Variants in DNAJC1 observed in about 807,000 individuals in gnomAD.
DNAJC1 encodes DnaJ heat shock protein family (Hsp40) member C1.
A neutral mutation model predicts 76.6 loss-of-function variants in DNAJC1; 58 were observed. The ratio of observed to expected loss-of-function variants is 0.76; its 90% CI spans 0.61 to 0.94. The LOEUF (loss-of-function observed/expected upper bound fraction) is 0.94. DNAJC1 is among the 40% of genes least tolerant of loss of function. The pLI is 0.00. For synonymous variants in DNAJC1, 258 were observed against 267.9 expected (o/e 0.96, Z 0.36); for missense variants, 689 against 677.3 (o/e 1.02, Z -0.19).
chr10:21,901,772 T>C (rs747705221), intron 7 of DNAJC1, among the ~76,000 whole-genome samples: 4 of 152,160 alleles, frequency 2.6e-5, no homozygotes, highest in Non-Finnish European at 5.9e-5. Flanking sequence ...AAAACAGCTA[T>C]TGCTAATCTA....
chr10:21,873,056 C>T (rs947632994), intron 8 of DNAJC1, among the ~76,000 whole-genome samples: 1 of 152,150 alleles, frequency 6.6e-6, no homozygotes, highest in African/African-American at 2.4e-5. Flanking sequence ...AATCTCTGTC[C>T]TGTTCTGTTC....
intron 1 of DNAJC1, among the ~76,000 whole-genome samples, chr10:21,959,721 G>A (rs1262791079): frequency 6.6e-6 from 1 of 151,122 alleles, no homozygotes; most frequent in African/African-American, 2.4e-5. Context: ...GGGAGGCAGA[G>A]GTTGCAGTGA....
chr10:21,905,456 G>A (rs1836728487), intron 6 of DNAJC1, among the ~76,000 whole-genome samples: 1 of 152,066 alleles, frequency 6.6e-6, no homozygotes. Context: ...CCATGTCTGT[G>A]CAATTGCTTT....
chr10:21,854,350 TAA>T (rs56109403), intron 8 of DNAJC1, among the ~76,000 whole-genome samples: 6,512 of 131,232 alleles, frequency 0.05, 194 homozygotes, highest in African/African-American at 0.09. Flanking sequence ...TGTGGATCTT[TAA>T]AAAAAAAAAA....
At chr10:21,973,874 G>A (rs1333351359) in intron 1 of DNAJC1, among the ~76,000 whole-genome samples, 1 of 151,978 alleles carries the variant, frequency 6.6e-6, no homozygotes, top group African/African-American at 2.4e-5. Context: ...AGGCCGAGGA[G>A]GGTGGATCGC....
chr10:21,911,497 G>C (rs754006883), intron 6 of DNAJC1, among the ~76,000 whole-genome samples: 1 of 152,000 alleles, frequency 6.6e-6, no homozygotes, highest in Non-Finnish European at 1.5e-5. Flanking sequence ...ACTATAATAA[G>C]ACTAAATCCA....
At chr10:21,848,751 A>G (rs1433222383) in intron 8 of DNAJC1, among the ~76,000 whole-genome samples, 1 of 152,236 alleles carries the variant, frequency 6.6e-6, no homozygotes, top group Admixed American at 6.5e-5. Flanking sequence ...ACAAGTGTCA[A>G]TAAATTTTAA....
chr10:21,973,131 G>A (rs1015361812), intron 1 of DNAJC1, among the ~76,000 whole-genome samples: 2 of 152,104 alleles, frequency 1.3e-5, no homozygotes, highest in Non-Finnish European at 2.9e-5. Flanking sequence ...GCTGTTATGG[G>A]ATGTGTATTC....
At position 21,882,409 on chromosome 10, in the gene DNAJC1, T is replaced by C. The variant is rs904536126; in HGVS notation, c.851A>G (p.Glu284Gly). 6 of 1,520,660 alleles carry C rather than the reference T, an allele frequency of 3.9e-6. No individual in the cohort carries two copies. The Admixed American group carries it at 1.2e-4, about 31-fold the overall frequency. 94.2% of individuals were successfully genotyped at this position (1,520,660 alleles called of 1,614,324 possible). A position where few individuals can be genotyped will look rare whatever the true frequency, so the allele number is the denominator to read the frequency against. Residue 284 changes from glutamate to glycine, a missense_variant, in exon 8 of 12, where the codon GAA becomes GGA. Physicochemically the swap from Glu to Gly is moderately conservative, Grantham distance 98. Coordinates refer to ENST00000376980, the MANE Select transcript of DNAJC1 (RefSeq NM_022365.4). ...KQKKVKKPKP[E>G]FPVYTPLETT... ...TTCTAAAGGTGTGTATACAGGAAAT[T>C]CAGGTTTTGGTTTTTTAACTTTCTT...
intron 10 of DNAJC1, among the ~76,000 whole-genome samples, chr10:21,760,547 C>T (rs1834228833): frequency 1.3e-5 from 2 of 152,196 alleles, no homozygotes; most frequent in Non-Finnish European, 2.9e-5. Context: ...GAAATAGGTA[C>T]ATTTGGACAC....
chr10:21,832,356 C>A (rs1354246221), intron 8 of DNAJC1, among the ~76,000 whole-genome samples: 1 of 152,132 alleles, frequency 6.6e-6, no homozygotes, highest in African/African-American at 2.4e-5. Flanking sequence ...GTCAAGGTCC[C>A]CAGTAGTTAC....
chr10:21,829,516 A>AT (rs376652476), intron 8 of DNAJC1, among the ~76,000 whole-genome samples: 2,011 of 151,776 alleles, frequency 0.013, 47 homozygotes, highest in African/African-American at 0.045. Context: ...GCGCCCAGCA[A>AT]TTTTTTTGTA....
intron 9 of DNAJC1, among the ~76,000 whole-genome samples, chr10:21,777,561 C>T (rs984321227): frequency 1.3e-5 from 2 of 152,170 alleles, no homozygotes; most frequent in Admixed American, 1.3e-4. Context: ...AATTTATCCT[C>T]CTTTAGCCCA....
intron 9 of DNAJC1, among the ~76,000 whole-genome samples, chr10:21,770,360 T>A (rs1027488844): frequency 6.6e-6 from 1 of 152,008 alleles, no homozygotes; most frequent in African/African-American, 2.4e-5. Flanking sequence ...GTCATTTAAC[T>A]TTTTATTATT....
chr10:21,790,880 A>T lies in DNAJC1; in HGVS notation c.1098+15100T>A, dbSNP rs1834676986. ...AGTAAGTCCTCATTTATCAATAATA[A>T]CCTTGAATATGAACAGATTAAATTC... On this transcript the variant is annotated intron_variant, in intron 9 of 11. Coordinates refer to ENST00000376980, the MANE Select transcript of DNAJC1 (RefSeq NM_022365.4). 2.0e-5 allele frequency among the ~76,000 whole-genome samples: 3 copies of T among 152,306 alleles called. No homozygotes were observed. The South Asian group carries it at 6.2e-4, about 32-fold the overall frequency.
intron 8 of DNAJC1, among the ~76,000 whole-genome samples, chr10:21,878,165 C>T (rs1021948950): frequency 6.6e-6 from 1 of 152,128 alleles, no homozygotes; most frequent in African/African-American, 2.4e-5. Flanking sequence ...TTTCCATAGG[C>T]CCAATGGTGT....
At chr10:21,977,436 A>C (rs999467921) in intron 1 of DNAJC1, among the ~76,000 whole-genome samples, 1 of 152,204 alleles carries the variant, frequency 6.6e-6, no homozygotes, top group African/African-American at 2.4e-5. Flanking sequence ...TAAAATATGA[A>C]TCAAAATAAC....
intron 8 of DNAJC1, among the ~76,000 whole-genome samples, chr10:21,878,889 A>G (rs767395153): frequency 6.6e-6 from 1 of 152,036 alleles, no homozygotes; most frequent in Non-Finnish European, 1.5e-5. Flanking sequence ...CCCAAACTGA[A>G]AACACCACAT....
chr10:21,765,439 T>C (rs1348545933), intron 10 of DNAJC1, among the ~76,000 whole-genome samples: 1 of 152,198 alleles, frequency 6.6e-6, no homozygotes, highest in Admixed American at 6.5e-5. Flanking sequence ...CTGGGACCTG[T>C]ATTTGAGTTA....
Sources: gnomAD v4.1 joint callset for allele counts (sites outside exome capture counted in the v4.1 genomes callset) on GRCh38, gnomAD v4.1.1 for gene constraint, MANE v1.5 for transcripts, NCBI Gene and HGNC (gene_info 2026-07-23, HGNC 2026-07-21) for gene names.